Variants in FRMPD3 observed in about 807,000 individuals in gnomAD.
FRMPD3 encodes the protein FERM and PDZ domain-containing protein 3.
FRMPD3 carries 42 observed loss-of-function variants against 97.9 expected under a neutral mutation model. The observed-to-expected ratio is 0.43, with a 90% confidence interval of 0.34 to 0.55. The LOEUF (loss-of-function observed/expected upper bound fraction) is 0.55. Among genes scored for constraint, FRMPD3 ranks in the 20% least tolerant of loss-of-function variants. FRMPD3 has a pLI of 0.03. For synonymous variants in FRMPD3, 577 were observed against 581.1 expected, an observed-to-expected ratio of 0.99 and a Z score of 0.10; for missense variants, 1,303 against 1,457.7, an observed-to-expected ratio of 0.89 and a Z score of 1.73.
At chrX:107,590,905 T>G (rs1195087464) in intron 13 of FRMPD3, among the ~76,000 whole-genome samples, 1 of 112,062 alleles carries the variant, frequency 8.9e-6, no homozygotes, top group East Asian at 2.8e-4. Flanking sequence ...ACTGGCCTCA[T>G]ACAATGAGTT....
intron 1 of FRMPD3, among the ~76,000 whole-genome samples, chrX:107,481,178 A>G (rs1184798614): frequency 8.9e-6 from 1 of 111,881 alleles, no homozygotes; most frequent in Admixed American, 9.4e-5. Flanking sequence ...CCTGTGTGTG[A>G]TCTGTTGGCC....
chrX:107,595,659 C>T (rs1056285487), intron 13 of FRMPD3, among the ~76,000 whole-genome samples: 4 of 111,012 alleles, frequency 3.6e-5, no homozygotes, highest in Non-Finnish European at 7.5e-5. Flanking sequence ...GAGTATTGGC[C>T]GGGTGCGGTG....
At position 107,551,956 on chromosome X, in the gene FRMPD3, A is replaced by T. The variant is rs115436951; in HGVS notation, c.511-839A>T. On this transcript the variant is annotated intron_variant, in intron 6 of 14. Coordinates refer to ENST00000683843, the MANE Select transcript of FRMPD3 (RefSeq NM_001388459.1). ...GCAACTGCGGTTGTAAAGATGTTTTATATTCCCAAGCTTGATTCTTTCCAG... is the reference window on the plus strand; with the variant it reads ...GCAACTGCGGTTGTAAAGATGTTTTTTATTCCCAAGCTTGATTCTTTCCAG... 5.7e-3 allele frequency among the ~76,000 whole-genome samples: 642 copies of T among 112,244 alleles called. 3 individuals are homozygous for T. The highest frequency in any genetic ancestry group is 0.02 in the African/African-American group (610 of 30,933).
At chrX:107,564,113 A>G (rs946059631) in intron 11 of FRMPD3, among the ~76,000 whole-genome samples, 1 of 111,828 alleles carries the variant, frequency 8.9e-6, no homozygotes, top group Non-Finnish European at 1.9e-5. Context: ...AGACGACCCA[A>G]GCTTGATTGC....
At position 107,602,506 on chromosome X, in the gene FRMPD3, C is replaced by G. The variant is rs775649326; in HGVS notation, c.4467C>G (p.Ser1489Arg). Residue 1489 changes from serine (S) to arginine (R), a missense_variant, in exon 15 of 15, where the codon AGC becomes AGG. By Grantham distance (110) the Ser-to-Arg change is moderately radical. Coordinates refer to ENST00000683843, the MANE Select transcript of FRMPD3 (RefSeq NM_001388459.1). ...PAELDEDSES[S>R]KCCSIRYCFY... is the part of the protein sequence containing the mutation. ...AGCTAGACGAGGACAGTGAGAGCAGCAAGTGCTGCTCCATCCGCTACTGCT... is the reference window on the plus strand; with the variant it reads ...AGCTAGACGAGGACAGTGAGAGCAGGAAGTGCTGCTCCATCCGCTACTGCT... 1 of 1,210,510 alleles carries G rather than the reference C, an allele frequency of 8.3e-7. No individual in the cohort carries two copies. Among genetic ancestry groups the G allele is most frequent in the African/African-American group, 1.7e-5 (1 of 57,729 alleles).
In FRMPD3 at chrX:107,597,973, T is replaced by G. The variant is rs377242352; in HGVS notation, c.2094T>G (p.Arg698=). The G allele has an allele frequency of 2.7e-4, 325 of 1,208,820 alleles. No individual in the cohort carries two copies. The African/African-American group carries it at 5.2e-3, about 19-fold the overall frequency. ...VQSQEQGRHL[R]GLLYDEIPVT... is the part of the protein sequence containing the mutation. ...GCCAGGAACAAGGACGCCACCTGCGTGGGCTTCTGTACGATGAGATTCCAG... is the reference window on the plus strand; with the variant it reads ...GCCAGGAACAAGGACGCCACCTGCGGGGGCTTCTGTACGATGAGATTCCAG... Residue 698 remains arginine, a synonymous_variant, in exon 14 of 15, where the codon CGT becomes CGG. Transcript: ENST00000683843.
chrX:107,452,968 G>GC (rs1159884757), intron 1 of FRMPD3, among the ~76,000 whole-genome samples: 1 of 110,641 alleles, frequency 9.0e-6, no homozygotes, highest in African/African-American at 3.3e-5. Context: ...GAGAGGAATT[G>GC]CCCCACCGCA....
chrX:107,506,681 G>A (rs999227448), intron 1 of FRMPD3, among the ~76,000 whole-genome samples: 9 of 112,127 alleles, frequency 8.0e-5, no homozygotes, highest in Admixed American at 2.8e-4. Flanking sequence ...GCGAGGGGAG[G>A]GGTCCTCCTG....
At chrX:107,491,315 C>T (rs1260618284) in intron 1 of FRMPD3, among the ~76,000 whole-genome samples, 1 of 112,276 alleles carries the variant, frequency 8.9e-6, no homozygotes, top group Non-Finnish European at 1.9e-5. Flanking sequence ...TATTAATAGC[C>T]ATTAGTAATT....
chrX:107,530,622 A>G (rs1922906422), intron 3 of FRMPD3, 111 bp downstream of exon 3: 1 of 565,772 alleles, frequency 1.8e-6, no homozygotes, highest in Non-Finnish European at 2.9e-6. Context: ...CCTTCCAGGC[A>G]GAGAAGCCCT....
At position 107,589,923 on chromosome X, in the gene FRMPD3, G is replaced by C. The variant is rs759079674; in HGVS notation, c.1442-7398G>C. Among the ~76,000 whole-genome samples, 228 of 112,467 alleles carry C rather than the reference G, an allele frequency of 2.0e-3. 2 individuals are homozygous for C. The highest frequency in any genetic ancestry group is 7.0e-3 in the African/African-American group (217 of 30,982). On this transcript the variant is annotated intron_variant, in intron 13 of 14. Coordinates refer to ENST00000683843, the MANE Select transcript of FRMPD3 (RefSeq NM_001388459.1). ...CCCAGCACTTTGGGAGGCCAAGGCA[G>C]GTGGATCACTTGAGGTCAGGAGTTC...
At chrX:107,523,951 C>T (rs1236271407) in intron 1 of FRMPD3, among the ~76,000 whole-genome samples, 1 of 111,863 alleles carries the variant, frequency 8.9e-6, no homozygotes, top group Admixed American at 9.5e-5. Flanking sequence ...GAGCACTGAG[C>T]GTAGGACAGT....
In FRMPD3 at chrX:107,554,374, C is replaced by G. The variant is rs1921991124; in HGVS notation, c.643-11C>G. 8.3e-7 allele frequency: 1 copy of G among 1,204,567 alleles called. No homozygotes were observed. The highest frequency in any genetic ancestry group is 1.1e-6 in the Non-Finnish European group (1 of 892,907). ...TCTCTTTTCTTCTCCCCTTTCATCC[C>G]TGGAATTCAGGTGGTACAGCGGACA... On this transcript the variant is annotated splice_polypyrimidine_tract_variant and intron_variant, in intron 7 of 14. Transcript: ENST00000683843.
At chrX:107,559,835 GTCCC>G (rs1922266805) in intron 8 of FRMPD3, among the ~76,000 whole-genome samples, 1 of 110,964 alleles carries the variant, frequency 9.0e-6, no homozygotes, top group Non-Finnish European at 1.9e-5. Context: ...CCTGTGGAGA[GTCCC>G]TCCCAGTATC....
At chrX:107,457,903 G>A (rs1331759273) in intron 1 of FRMPD3, among the ~76,000 whole-genome samples, 4 of 110,747 alleles carry the variant, frequency 3.6e-5, no homozygotes, top group African/African-American at 9.9e-5. Flanking sequence ...CTCTTCCAGC[G>A]TACATTTATT....
At chrX:107,467,957 C>A (rs1303745572) in intron 1 of FRMPD3, among the ~76,000 whole-genome samples, 2 of 111,925 alleles carry the variant, frequency 1.8e-5, no homozygotes, top group Non-Finnish European at 3.8e-5. Context: ...TTCCTTTTGA[C>A]TTCTTTGTGG....
At chrX:107,555,706 T>A (rs1467101085) in intron 8 of FRMPD3, among the ~76,000 whole-genome samples, 1 of 112,232 alleles carries the variant, frequency 8.9e-6, no homozygotes, top group East Asian at 2.8e-4. Context: ...GGTATTTTTT[T>A]AAATTCCTCA....
At chrX:107,519,610 A>G (rs955388739) in intron 1 of FRMPD3, among the ~76,000 whole-genome samples, 1 of 112,145 alleles carries the variant, frequency 8.9e-6, no homozygotes, top group East Asian at 2.8e-4. Context: ...ACTGGGAACT[A>G]AAGTCCTCAG....
rs768787091 is a variant in FRMPD3, at chrX:107,603,392, T to A, written c.*19T>A. The A allele has an allele frequency of 1.0e-4, 112 of 1,124,232 alleles. No individual in the cohort carries two copies. The Admixed American group carries it at 3.2e-3, about 32-fold the overall frequency. The allele number at this position is 1,124,232 out of a possible 1,213,427, so 92.6% of individuals were successfully genotyped here. On this transcript the variant is annotated 3_prime_UTR_variant, in exon 15 of 15. Transcript: ENST00000683843. ...TAAGTAGGGCATCTGCCCACACCTG[T>A]CCCCCTTCCCCAACCATGGCCCCAG...
Sources: gnomAD v4.1 joint callset for allele counts (sites outside exome capture counted in the v4.1 genomes callset) on GRCh38, gnomAD v4.1.1 for gene constraint, MANE v1.5 for transcripts, NCBI Gene and HGNC (gene_info 2026-07-23, HGNC 2026-07-21) for gene names.